RBFOX3: variants seen among roughly 807,000 people sequenced by gnomAD.
The protein encoded by RBFOX3 is RNA binding protein fox-1 homolog 3.
Under a neutral mutation model 48.7 loss-of-function variants are expected in RBFOX3, and 17 were observed. The ratio of observed to expected loss-of-function variants is 0.35; its 90% CI spans 0.24 to 0.52. The LOEUF (loss-of-function observed/expected upper bound fraction) is 0.52, where lower values mean the gene tolerates loss of function less well. RBFOX3 is among the 20% of genes least tolerant of loss of function. The probability of loss-of-function intolerance (pLI) is 0.94; values close to 1 mark genes in which losing one functional copy is unlikely to be tolerated. For synonymous variants in RBFOX3, 212 were observed against 209.5 expected (o/e 1.01, Z -0.10); for missense variants, 382 against 497.5 (o/e 0.77, Z 2.21).
At chr17:79,474,002 C>T (rs1176410176) in intron 2 of RBFOX3, among the ~76,000 whole-genome samples, 9 of 152,154 alleles carry the variant, frequency 5.9e-5, no homozygotes, top group African/African-American at 2.2e-4. Flanking sequence ...TTTGTATATC[C>T]TTGCAAATCG....
At chr17:79,643,690 T>C in the RBFOX3 span, among the ~76,000 whole-genome samples, 2 of 152,204 alleles carry the variant, frequency 1.3e-5, no homozygotes, top group African/African-American at 4.8e-5. Flanking sequence ...TTCTAAATAT[T>C]CTATAGGTCA....
At chr17:79,630,998 G>A in the RBFOX3 span, among the ~76,000 whole-genome samples, 2 of 152,092 alleles carry the variant, frequency 1.3e-5, no homozygotes, top group Admixed American at 6.5e-5. Flanking sequence ...GGCCAGGGAC[G>A]GCCGTCAGAG....
At chr17:79,387,289 C>T (rs1350373914) in intron 2 of RBFOX3, among the ~76,000 whole-genome samples, 4 of 152,202 alleles carry the variant, frequency 2.6e-5, no homozygotes, top group Non-Finnish European at 5.9e-5. Context: ...TCTGAGTGTG[C>T]TTTTCATCAC....
At chr17:79,441,828 C>G (rs1167469704) in intron 2 of RBFOX3, among the ~76,000 whole-genome samples, 1 of 152,094 alleles carries the variant, frequency 6.6e-6, no homozygotes, top group Non-Finnish European at 1.5e-5. Context: ...CCAGGGCTGA[C>G]GTGGTGCTGG....
At chr17:79,271,457 T>C (rs1157568650) in intron 3 of RBFOX3, among the ~76,000 whole-genome samples, 2 of 152,218 alleles carry the variant, frequency 1.3e-5, no homozygotes, top group East Asian at 3.8e-4. Flanking sequence ...GTCGGATCCC[T>C]GTGTGCCTGC....
At position 79,458,618 on chromosome 17, in the gene RBFOX3, CTA is replaced by C. The variant is rs555751063; in HGVS notation, c.-175+23834_-175+23835del. Among the ~76,000 whole-genome samples the C allele has an allele frequency of 8.6e-5, 13 of 151,450 alleles. No individual in the cohort carries two copies. In the South Asian group the frequency reaches 2.7e-3, roughly 32 times the overall value. ...AATTAAAAAAAAAAAAGGTTGAAAA[CTA>C]AGAATTGTCACAGCAAGTAAGTGAG... On this transcript the variant is annotated intron_variant, in intron 2 of 14. Coordinates refer to ENST00000693108, the MANE Select transcript of RBFOX3 (RefSeq NM_001350451.2).
intron 6 of RBFOX3, 73 bp from the exon 7 acceptor site, chr17:79,104,199 C>T (rs981561316): frequency 5.5e-5 from 70 of 1,277,426 alleles, no homozygotes; most frequent in Non-Finnish European, 6.9e-5. Context: ...CCCAGCTGCC[C>T]GCTCCACTCC....
rs1412450345 is a variant in RBFOX3 at position 79,442,387 on chromosome 17, G to T, written c.-175+40067C>A. 1.5e-3 allele frequency among the ~76,000 whole-genome samples: 207 copies of T among 136,156 alleles called. 4 individuals are homozygous for T. The highest frequency in any genetic ancestry group is 5.9e-3 in the African/African-American group (199 of 33,480). 89.3% of individuals were successfully genotyped at this position (136,156 alleles called of 152,430 possible). ...GGAGAGAGAGAGAGAGAGAGAGAGA[G>T]AGAGAGAGAGAGAGAAAGAGAGACA... is the stretch of plus-strand genomic sequence containing the variant. On this transcript the variant is annotated intron_variant, in intron 2 of 14. Transcript: ENST00000693108.
At chr17:79,440,087 C>T (rs1482542863) in intron 2 of RBFOX3, among the ~76,000 whole-genome samples, 8 of 152,158 alleles carry the variant, frequency 5.3e-5, no homozygotes, top group African/African-American at 7.2e-5. Context: ...TGAGCGGCAA[C>T]GAGGACATGG....
chr17:79,428,869 G>A (rs1555726952), intron 2 of RBFOX3, among the ~76,000 whole-genome samples: 4 of 152,238 alleles, frequency 2.6e-5, no homozygotes, highest in Non-Finnish European at 4.4e-5. Context: ...TAGGGACCTT[G>A]TATAAGTAAA....
chr17:79,551,028 G>A (rs935552245), intron 1 of RBFOX3, among the ~76,000 whole-genome samples: 12 of 152,348 alleles, frequency 7.9e-5, no homozygotes, highest in Non-Finnish European at 1.8e-4. Context: ...CTGAACACTT[G>A]AAATGTAACT....
chr17:79,340,793 A>G (rs1010027193), intron 2 of RBFOX3, among the ~76,000 whole-genome samples: 6 of 152,232 alleles, frequency 3.9e-5, no homozygotes, highest in African/African-American at 1.4e-4. Flanking sequence ...ATTGCTAACC[A>G]TGAAAGCAAA....
At position 79,242,624 on chromosome 17, in the gene RBFOX3, C is replaced by T. The variant is rs1276909863; in HGVS notation, c.-73-6819G>A. On this transcript the variant is annotated intron_variant, in intron 3 of 14. Transcript: ENST00000693108. The surrounding 1 kb of genome is among the most constrained non-coding windows in gnomAD (Gnocchi z 5.8). ...GCAGGGGAGGGAATCTGGCTTATGG[C>T]TCTGAGCCATAAACTGTCACCATTA... is the stretch of plus-strand genomic sequence containing the variant. Among the ~76,000 whole-genome samples the T allele has an allele frequency of 6.6e-6, 1 of 151,908 alleles. No individual in the cohort carries two copies. The highest frequency in any genetic ancestry group is 2.4e-5 in the African/African-American group (1 of 41,342).
At chr17:79,260,357 C>T (rs1339307576) in intron 3 of RBFOX3, among the ~76,000 whole-genome samples, 1 of 152,210 alleles carries the variant, frequency 6.6e-6, no homozygotes, top group Non-Finnish European at 1.5e-5. Context: ...TGTCTGTGGC[C>T]TCTGCCCCAC....
chr17:79,538,487 C>G (rs35468641), intron 1 of RBFOX3, among the ~76,000 whole-genome samples: 30,775 of 152,156 alleles, frequency 0.2, 3,565 homozygotes, highest in East Asian at 0.49. Flanking sequence ...CAGGAAGCCT[C>G]GATGCCACCT....
the RBFOX3 span, among the ~76,000 whole-genome samples, chr17:79,628,041 A>T: frequency 2.0e-5 from 3 of 151,606 alleles, no homozygotes; most frequent in Non-Finnish European, 4.4e-5. Context: ...TCCCCGCCCA[A>T]GGGTCCTCAC....
chr17:79,559,780 T>C (rs1212214429), intron 1 of RBFOX3, among the ~76,000 whole-genome samples: 1 of 145,150 alleles, frequency 6.9e-6, no homozygotes, highest in Admixed American at 6.9e-5. Context: ...GAATAGTGGA[T>C]GGATGGGTAG....
chr17:79,603,473 T>C (rs1011550211), intron 1 of RBFOX3, among the ~76,000 whole-genome samples: 2,537 of 152,250 alleles, frequency 0.017, 72 homozygotes, highest in African/African-American at 0.058. Flanking sequence ...CTTCGGGGTG[T>C]TCCTAAGGAC....
chr17:79,456,693 C>A (rs148551788), intron 2 of RBFOX3, among the ~76,000 whole-genome samples: 1 of 152,176 alleles, frequency 6.6e-6, no homozygotes, highest in African/African-American at 2.4e-5. Context: ...GAGTCAGACC[C>A]CCGGGAGTTC....
Sources: allele counts gnomAD v4.1 joint callset (sites outside exome capture counted in the v4.1 genomes callset), GRCh38; gene constraint gnomAD v4.1.1; non-coding constraint Gnocchi (gnomAD v3.1); transcripts MANE v1.5; gene names NCBI Gene and HGNC (gene_info 2026-07-23, HGNC 2026-07-21).